Variants in WNT3A observed in about 807,000 individuals in gnomAD.
WNT3A encodes protein Wnt-3a.
A neutral mutation model predicts 37.0 loss-of-function variants in WNT3A; 17 were observed. The observed-to-expected ratio is 0.46, with a 90% CI of 0.31 to 0.69. The LOEUF is 0.69. Among genes scored for constraint, WNT3A ranks in the 30% least tolerant of loss-of-function variants. WNT3A has a pLI of 0.05. For synonymous variants in WNT3A, 187 were observed against 211.0 expected, an observed-to-expected ratio of 0.89 and a Z score of 0.99; for missense variants, 411 against 510.2, an observed-to-expected ratio of 0.81 and a Z score of 1.87.
Position 228,053,849 on chromosome 1 carries a change from A to G in WNT3A, c.579+2928A>G, listed in dbSNP as rs542802747. 1.7e-4 allele frequency among the ~76,000 whole-genome samples: 26 copies of G among 152,248 alleles called. No homozygotes were observed. In the East Asian group the frequency reaches 4.6e-3, roughly 27 times the overall value. On this transcript the variant is annotated intron_variant, in intron 3 of 3. Transcript: ENST00000284523. Reference sequence around the variant, plus strand: ...GCAGGTAATTTGTAAAATTTTGTATATTTTGCACTTATGACACATATATAT... The same window carrying G: ...GCAGGTAATTTGTAAAATTTTGTATGTTTTGCACTTATGACACATATATAT...
In WNT3A at chr1:228,059,425, A is replaced by G. The variant is rs761489951; in HGVS notation, c.1019A>G (p.Gln340Arg). The G allele has an allele frequency of 2.1e-5, 33 of 1,543,466 alleles. No individual in the cohort carries two copies. Among genetic ancestry groups the G allele is most frequent in the Non-Finnish European group, 8.7e-7 (1 of 1,149,318 alleles). Residue 340 changes from glutamine to arginine, a missense_variant, in exon 4 of 4, where the codon CAG becomes CGG. Coordinates refer to ENST00000284523, the MANE Select transcript of WNT3A (RefSeq NM_033131.4). ...VFHWCCYVSC[Q>R]ECTRVYDVHT... The stretch of plus-strand genomic sequence containing the variant: ...CACTGGTGCTGCTACGTCAGCTGCC[A>G]GGAGTGCACGCGCGTCTACGACGTG...
At chr1:228,024,813 T>A (rs909645679) in intron 2 of WNT3A, among the ~76,000 whole-genome samples, 13 of 152,258 alleles carry the variant, frequency 8.5e-5, no homozygotes, top group African/African-American at 2.9e-4. Flanking sequence ...CTCATCTTTT[T>A]ATATGGTATG....
rs1228464831 is a variant in WNT3A, at chr1:228,061,245, A to G, written c.*1780A>G. On this transcript the variant is annotated 3_prime_UTR_variant, in exon 4 of 4. Coordinates refer to ENST00000284523, the MANE Select transcript of WNT3A (RefSeq NM_033131.4). The stretch of plus-strand genomic sequence containing the variant: ...TTAATGTTATATCTGATGCTGCTAT[A>G]TCCACTGTCCAACGGAGTTAGACGA... The G allele has an allele frequency of 1.3e-5, 2 of 152,666 alleles. No individual in the cohort carries two copies. The highest frequency in any genetic ancestry group is 6.5e-5 in the Admixed American group (1 of 15,294). 9.5% of individuals were successfully genotyped at this position (152,666 alleles called of 1,614,324 possible).
intron 2 of WNT3A, among the ~76,000 whole-genome samples, chr1:228,034,920 G>A (rs1286793332): frequency 1.3e-5 from 2 of 152,150 alleles, no homozygotes; most frequent in Admixed American, 1.3e-4. Flanking sequence ...TGGAACAAGA[G>A]CTGGGACCCT....
chr1:228,037,787 G>A lies in WNT3A; in HGVS notation c.314-12869G>A, dbSNP rs886880971. 6.6e-6 allele frequency among the ~76,000 whole-genome samples: 1 copy of A among 152,226 alleles called. No homozygotes were observed. The highest frequency in any genetic ancestry group is 1.9e-4 in the East Asian group (1 of 5,186). ...CCGGCTGGGAGCACAATATCCCAGC[G>A]ACGGCGACAAGATTAAGCACAAGGG... On this transcript the variant is annotated intron_variant, in intron 2 of 3. Transcript: ENST00000284523. The surrounding 1 kb of genome is among the most constrained non-coding windows in gnomAD (Gnocchi z 4.1).
chr1:228,040,680 G>A (rs2031256769), intron 2 of WNT3A, among the ~76,000 whole-genome samples: 1 of 151,914 alleles, frequency 6.6e-6, no homozygotes, highest in Non-Finnish European at 1.5e-5. Flanking sequence ...TCAGGAGATC[G>A]AGACCATCCT....
chr1:228,019,601 A>G (rs1284088606), intron 1 of WNT3A, among the ~76,000 whole-genome samples: 1 of 152,190 alleles, frequency 6.6e-6, no homozygotes, highest in Non-Finnish European at 1.5e-5. Context: ...GTCCTCTACA[A>G]CATTCCATTA....
Position 228,050,765 on chromosome 1 carries a change from C to T in WNT3A, c.423C>T (p.Arg141=). 1 of 1,614,150 alleles carries T rather than the reference C, an allele frequency of 6.2e-7. No homozygotes were observed. ...CCGCCATCTGTGGCTGCAGCAGCCGCCACCAGGGCTCACCAGGCAAGGGCT... is the reference window on the plus strand; with the variant it reads ...CCGCCATCTGTGGCTGCAGCAGCCGTCACCAGGGCTCACCAGGCAAGGGCT... ...GTAAICGCSS[R]HQGSPGKGWK... Residue 141 remains arginine, a synonymous_variant, in exon 3 of 4, where the codon CGC becomes CGT. Transcript: ENST00000284523. The surrounding 1 kb of genome is among the most constrained non-coding windows in gnomAD (Gnocchi z 5.0).
In WNT3A at chr1:228,027,852, T is replaced by C. The variant is rs190477601; in HGVS notation, c.313+4944T>C. 3.3e-5 allele frequency among the ~76,000 whole-genome samples: 5 copies of C among 152,272 alleles called. No homozygotes were observed. In the East Asian group the frequency reaches 5.8e-4, roughly 18 times the overall value. ...GTTAGTCATGAATTATTTGCCTAGG[T>C]TGATGTCTAGAAGAGTTTTTCCAAT... On this transcript the variant is annotated intron_variant, in intron 2 of 3. Transcript: ENST00000284523.
At chr1:228,048,949 A>T (rs1360303525) in intron 2 of WNT3A, among the ~76,000 whole-genome samples, 3 of 151,464 alleles carry the variant, frequency 2.0e-5, no homozygotes, top group Non-Finnish European at 4.4e-5. Flanking sequence ...CTCCCCTACC[A>T]CCCTTCTGCA....
intron 1 of WNT3A, among the ~76,000 whole-genome samples, chr1:228,016,097 T>C (rs2030524982): frequency 6.6e-6 from 1 of 152,144 alleles, no homozygotes; most frequent in Admixed American, 6.5e-5. Context: ...CCTTGCTCTT[T>C]TGGGGATCCT....
rs371718516 is a variant in WNT3A, at chr1:228,037,867, G to A, written c.314-12789G>A. 1.3e-5 allele frequency among the ~76,000 whole-genome samples: 2 copies of A among 152,366 alleles called. No homozygotes were observed. Among genetic ancestry groups the A allele is most frequent in the South Asian group, 2.1e-4 (1 of 4,834 alleles). ...GCCCTTCGCGGTGCTGAATTAAAGC[G>A]TCTGAATGGGGATTTCCCCTCGCGC... On this transcript the variant is annotated intron_variant, in intron 2 of 3. Transcript: ENST00000284523. This position sits in a 1 kb window ranked among gnomAD's most constrained non-coding sequence, Gnocchi z 4.1.
In WNT3A at chr1:228,037,732, A is replaced by G. The variant is rs1405085749; in HGVS notation, c.314-12924A>G. On this transcript the variant is annotated intron_variant, in intron 2 of 3. Coordinates refer to ENST00000284523, the MANE Select transcript of WNT3A (RefSeq NM_033131.4). The surrounding 1 kb of genome is among the most constrained non-coding windows in gnomAD (Gnocchi z 4.1). ...TATATCATTAACTCTCCCCAGTGGGAGGGGAACCCCGGCCGACTCCCCGCC... is the reference window on the plus strand; with the variant it reads ...TATATCATTAACTCTCCCCAGTGGGGGGGGAACCCCGGCCGACTCCCCGCC... Among the ~76,000 whole-genome samples, 3 of 152,156 alleles carry G rather than the reference A, an allele frequency of 2.0e-5. No homozygotes were observed. The highest frequency in any genetic ancestry group is 4.4e-5 in the Non-Finnish European group (3 of 68,010).
chr1:228,056,426 A>G (rs569807440), intron 3 of WNT3A, among the ~76,000 whole-genome samples: 1 of 152,362 alleles, frequency 6.6e-6, no homozygotes, highest in South Asian at 2.1e-4. Context: ...TTAAACATTC[A>G]GGTTACAAAA....
At position 228,028,839 on chromosome 1, in the gene WNT3A, GC is replaced by G. The variant is rs1330005480; in HGVS notation, c.313+5934del. ...GGTTGGCTGCAGGTTTTTCACAAATGCCCTTTATCCAGTTGCCCCAGGTGGC... is the reference window on the plus strand; with the variant it reads ...GGTTGGCTGCAGGTTTTTCACAAATGCCTTTATCCAGTTGCCCCAGGTGGC... On this transcript the variant is annotated intron_variant, in intron 2 of 3. Transcript: ENST00000284523. 2.0e-5 allele frequency among the ~76,000 whole-genome samples: 3 copies of G among 152,150 alleles called. No individual in the cohort carries two copies. In the East Asian group the frequency reaches 5.8e-4, roughly 29 times the overall value.
At chr1:228,051,055 G>A (rs960849972) in intron 3 of WNT3A, 134 bp downstream of exon 3, 1 of 1,206,546 alleles carries the variant, frequency 8.3e-7, no homozygotes, top group African/African-American at 1.5e-5. Context: ...ACCCCTGCCT[G>A]GGGTGTGCGA....
chr1:228,045,111 G>A (rs1169186272), intron 2 of WNT3A, among the ~76,000 whole-genome samples: 3 of 152,226 alleles, frequency 2.0e-5, no homozygotes, highest in Non-Finnish European at 4.4e-5. Context: ...GCCCTTGAGT[G>A]TGTCTGGCTA....
In WNT3A at chr1:228,031,510, T is replaced by G. The variant is rs192287444; in HGVS notation, c.313+8602T>G. ...GGTGTGTGTGGCGTGTGATGCATTG[T>G]GTGTATGTGAGTGTGCACGTGTGTG... On this transcript the variant is annotated intron_variant, in intron 2 of 3. Coordinates refer to ENST00000284523, the MANE Select transcript of WNT3A (RefSeq NM_033131.4). The surrounding 1 kb of genome is among the most constrained non-coding windows in gnomAD (Gnocchi z 4.8). 2.0e-5 allele frequency among the ~76,000 whole-genome samples: 3 copies of G among 151,972 alleles called. No individual in the cohort carries two copies. Among genetic ancestry groups the G allele is most frequent in the East Asian group, 3.9e-4 (2 of 5,176 alleles).
chr1:228,045,490 G>A (rs1454136828), intron 2 of WNT3A, among the ~76,000 whole-genome samples: 1 of 152,194 alleles, frequency 6.6e-6, no homozygotes, highest in Non-Finnish European at 1.5e-5. Flanking sequence ...AGATGGCAGG[G>A]GAAGGGGCGC....
Sources: allele counts gnomAD v4.1 joint callset (sites outside exome capture counted in the v4.1 genomes callset), GRCh38; gene constraint gnomAD v4.1.1; non-coding constraint Gnocchi (gnomAD v3.1); transcripts MANE v1.5; gene names NCBI Gene and HGNC (gene_info 2026-07-23, HGNC 2026-07-21).